CSMD1: variants seen among roughly 807,000 people sequenced by gnomAD.
The protein encoded by CSMD1 is CUB and sushi domain-containing protein 1.
CSMD1 carries 213 observed loss-of-function variants against 417.5 expected under a neutral mutation model. That is an observed-to-expected ratio of 0.51 (90% CI 0.46 to 0.57). CSMD1 has a LOEUF of 0.57. CSMD1 is among the 20% of genes least tolerant of loss of function. CSMD1 has a pLI of 0.00. For synonymous variants in CSMD1, 2,862 were observed against 1,736.8 expected (o/e 1.65, Z -16.11); for missense variants, 6,923 against 4,529.7 (o/e 1.53, Z -15.17).
chr8:3,111,352 C>A (rs1456343757), intron 42 of CSMD1, among the ~76,000 whole-genome samples: 1 of 124,078 alleles, frequency 8.1e-6, no homozygotes, highest in African/African-American at 2.5e-5. Context: ...ATCTTTTCAT[C>A]AGAAGAAGGG....
At chr8:3,042,381 C>T (rs1291868188) in intron 50 of CSMD1, among the ~76,000 whole-genome samples, 1 of 152,092 alleles carries the variant, frequency 6.6e-6, no homozygotes, top group African/African-American at 2.4e-5. Flanking sequence ...ATATGTACCT[C>T]CTATCTAGCA....
chr8:3,297,159 T>C (rs1804031947), intron 25 of CSMD1, among the ~76,000 whole-genome samples: 2 of 152,124 alleles, frequency 1.3e-5, no homozygotes, highest in Admixed American at 6.5e-5. Context: ...CAAAACATCA[T>C]TGAGACAAAT....
At chr8:4,446,718 TG>T (rs927495329) in intron 2 of CSMD1, among the ~76,000 whole-genome samples, 235 of 143,422 alleles carry the variant, frequency 1.6e-3, no homozygotes, top group African/African-American at 5.9e-3. Flanking sequence ...ATGCCTGAGT[TG>T]TGTGTGTGTG....
At chr8:4,465,186 G>A (rs1420427479) in intron 2 of CSMD1, among the ~76,000 whole-genome samples, 1 of 152,136 alleles carries the variant, frequency 6.6e-6, no homozygotes, top group African/African-American at 2.4e-5. Flanking sequence ...GGAATAGGAA[G>A]TCCAAACCAG....
At chr8:4,233,925 C>G (rs567460104) in intron 3 of CSMD1, among the ~76,000 whole-genome samples, 15 of 151,576 alleles carry the variant, frequency 9.9e-5, no homozygotes, top group Non-Finnish European at 2.2e-4. Flanking sequence ...CCCTAAAATG[C>G]CTTAATGAGG....
At chr8:3,478,257 T>C (rs1005569478) in intron 11 of CSMD1, among the ~76,000 whole-genome samples, 1 of 152,228 alleles carries the variant, frequency 6.6e-6, no homozygotes, top group Non-Finnish European at 1.5e-5. Flanking sequence ...ATTGTTCACG[T>C]GCGGAACTGC....
chr8:3,284,544 C>G, intron 25 of CSMD1, 198 bp from the exon 26 acceptor site: 1 of 578,172 alleles, frequency 1.7e-6, no homozygotes, highest in African/African-American at 1.9e-5. Context: ...GGATAAAGCA[C>G]ACAGGACCTC....
chr8:3,461,445 G>A (rs894299338), intron 12 of CSMD1, among the ~76,000 whole-genome samples: 2 of 152,178 alleles, frequency 1.3e-5, no homozygotes, highest in Admixed American at 6.5e-5. Flanking sequence ...GGAATACATG[G>A]GGCCAGGAAC....
chr8:4,402,647 A>G (rs188735506), intron 3 of CSMD1, among the ~76,000 whole-genome samples: 2 of 152,178 alleles, frequency 1.3e-5, no homozygotes, highest in Non-Finnish European at 1.5e-5. Flanking sequence ...ATCCCTCATC[A>G]CATTTTCATT....
chr8:3,294,883 G>A (rs1005214323), intron 25 of CSMD1, among the ~76,000 whole-genome samples: 1 of 152,048 alleles, frequency 6.6e-6, no homozygotes, highest in Non-Finnish European at 1.5e-5. Flanking sequence ...ACCTTAGTTG[G>A]AAATGGAGAA....
At chr8:4,803,050 A>G (rs1485538926) in intron 1 of CSMD1, among the ~76,000 whole-genome samples, 4 of 152,208 alleles carry the variant, frequency 2.6e-5, no homozygotes, top group Non-Finnish European at 5.9e-5. Flanking sequence ...TTCTAATTCA[A>G]TAAAAACAGA....
chr8:3,278,497 A>G (rs879117682), intron 26 of CSMD1: 5 of 152,218 alleles, frequency 3.3e-5, no homozygotes, highest in Non-Finnish European at 5.9e-5. Flanking sequence ...CTTGGAAACA[A>G]TGGCCACACT....
At chr8:3,033,139 C>A (rs1347421080) in intron 50 of CSMD1, among the ~76,000 whole-genome samples, 1 of 151,992 alleles carries the variant, frequency 6.6e-6, no homozygotes, top group Non-Finnish European at 1.5e-5. Context: ...TTTGAAAGTT[C>A]TTTATGAATA....
chr8:4,966,025 G>C (rs183016939), intron 1 of CSMD1, among the ~76,000 whole-genome samples: 16 of 152,038 alleles, frequency 1.1e-4, no homozygotes, highest in African/African-American at 3.6e-4. Context: ...TTTATGATAT[G>C]CAAGTATTTT....
chr8:3,330,827 G>A (rs1382181464), intron 23 of CSMD1, among the ~76,000 whole-genome samples: 1 of 152,202 alleles, frequency 6.6e-6, no homozygotes, highest in East Asian at 1.9e-4. Flanking sequence ...ATATAGGAAT[G>A]AATTATCAGC....
chr8:4,057,491 C>T, intron 3 of CSMD1, among the ~76,000 whole-genome samples: 1 of 152,060 alleles, frequency 6.6e-6, no homozygotes, highest in South Asian at 2.1e-4. Context: ...GTTGCCTGTT[C>T]ATTCTGACGG....
chr8:3,110,085 AAG>A, intron 43 of CSMD1, 71 bp downstream of exon 43: 1 of 1,233,906 alleles, frequency 8.1e-7, no homozygotes, highest in Non-Finnish European at 1.1e-6. Flanking sequence ...CCTTGTATAT[AAG>A]TGGCATATGT....
At position 3,164,450 on chromosome 8, in the gene CSMD1, A is replaced by G. The variant is rs375618569; in HGVS notation, c.5726-2173T>C. Among the ~76,000 whole-genome samples the G allele has an allele frequency of 8.9e-4, 135 of 152,332 alleles. 1 individual carries two copies. The highest frequency in any genetic ancestry group is 3.1e-3 in the African/African-American group (129 of 41,586). On this transcript the variant is annotated intron_variant, in intron 37 of 69. Coordinates refer to ENST00000635120, the MANE Select transcript of CSMD1 (RefSeq NM_033225.6). ...CTGCTAAATATGAAAAAATATATAC[A>G]ATCACTTAGGCCTTTAACTTCTTTT...
At chr8:4,812,187 G>A (rs1563464881) in intron 1 of CSMD1, among the ~76,000 whole-genome samples, 1 of 152,186 alleles carries the variant, frequency 6.6e-6, no homozygotes, top group Non-Finnish European at 1.5e-5. Flanking sequence ...GATAAACACA[G>A]CTGTCTGTTC....
Sources: gnomAD v4.1 joint callset for allele counts (sites outside exome capture counted in the v4.1 genomes callset) on GRCh38, gnomAD v4.1.1 for gene constraint, MANE v1.5 for transcripts, NCBI Gene and HGNC (gene_info 2026-07-23, HGNC 2026-07-21) for gene names.